The following ATP6V1G3 variants were observed in gnomAD, a reference collection of about 807,000 sequenced individuals.
ATP6V1G3 encodes the protein V-type proton ATPase subunit G 3.
ATP6V1G3 carries 9 observed loss-of-function variants against 9.3 expected under a neutral mutation model. That is an observed-to-expected ratio of 0.97 (90% CI 0.59 to 1.69). The LOEUF is 1.69. Ranked by LOEUF, ATP6V1G3 falls within the 40% of genes most tolerant of loss-of-function variation. The pLI, the probability that ATP6V1G3 is intolerant of heterozygous loss-of-function variation, is 0.00. For missense variants in ATP6V1G3, 133 were observed against 139.0 expected (o/e 0.96, Z 0.22); for synonymous variants, 43 against 43.8 (o/e 0.98, Z 0.07).
intron 2 of ATP6V1G3, among the ~76,000 whole-genome samples, chr1:198,528,578 A>G (rs1233966873): frequency 6.6e-6 from 1 of 152,132 alleles, no homozygotes; most frequent in Non-Finnish European, 1.5e-5. Flanking sequence ...TAAATGAAAG[A>G]TTTATTGAAT....
intron 1 of ATP6V1G3, among the ~76,000 whole-genome samples, chr1:198,537,467 C>A (rs1660162569): frequency 6.6e-6 from 1 of 152,054 alleles, no homozygotes; most frequent in African/African-American, 2.4e-5. Context: ...CTTGTTCTAG[C>A]ACTTTATGCC....
chr1:198,538,313 C>T (rs1487472202), intron 1 of ATP6V1G3, among the ~76,000 whole-genome samples: 2 of 152,130 alleles, frequency 1.3e-5, no homozygotes, highest in African/African-American at 4.8e-5. Context: ...AGCATATTCA[C>T]TAGAGAAAAG....
At chr1:198,526,745 A>G (rs770576804) in intron 2 of ATP6V1G3, among the ~76,000 whole-genome samples, 1 of 152,210 alleles carries the variant, frequency 6.6e-6, no homozygotes, top group Non-Finnish European at 1.5e-5. Flanking sequence ...TCCAGCAAAC[A>G]AAATGCTCTT....
chr1:198,527,470 G>A (rs1032909873), intron 2 of ATP6V1G3, among the ~76,000 whole-genome samples: 1 of 151,966 alleles, frequency 6.6e-6, no homozygotes, highest in African/African-American at 2.4e-5. Context: ...TTTAACACAA[G>A]CACTTTCTGA....
At chr1:198,529,607 A>C (rs1571715381) in intron 1 of ATP6V1G3, among the ~76,000 whole-genome samples, 1 of 152,106 alleles carries the variant, frequency 6.6e-6, no homozygotes, top group East Asian at 1.9e-4. Flanking sequence ...CCTTCAGTCC[A>C]CACCAACTGG....
chr1:198,540,212 A>T (rs1310033787), intron 1 of ATP6V1G3, among the ~76,000 whole-genome samples: 1 of 152,218 alleles, frequency 6.6e-6, no homozygotes, highest in Non-Finnish European at 1.5e-5. Flanking sequence ...CTTATAAAAA[A>T]TAAGTAATTT....
At chr1:198,531,115 C>T (rs1396665754) in intron 1 of ATP6V1G3, among the ~76,000 whole-genome samples, 1 of 152,100 alleles carries the variant, frequency 6.6e-6, no homozygotes, top group Non-Finnish European at 1.5e-5. Flanking sequence ...CAGAGCGTGT[C>T]TGTGATTCCC....
At chr1:198,534,116 C>A (rs35685064) in intron 1 of ATP6V1G3, among the ~76,000 whole-genome samples, 10,350 of 152,134 alleles carry the variant, frequency 0.068, 524 homozygotes, top group South Asian at 0.23. Context: ...TTGTGCCCCC[C>A]GAAAACATAT....
chr1:198,535,625 A>T (rs1660079948), intron 1 of ATP6V1G3, among the ~76,000 whole-genome samples: 1 of 152,158 alleles, frequency 6.6e-6, no homozygotes, highest in Admixed American at 6.6e-5. Context: ...GGATATTAAA[A>T]TAATATTAAC....
chr1:198,526,706 C>G (rs898233980), intron 2 of ATP6V1G3, among the ~76,000 whole-genome samples: 7 of 152,074 alleles, frequency 4.6e-5, no homozygotes, highest in Non-Finnish European at 1.0e-4. Context: ...GCAAGAAAAA[C>G]AGTTTTATGC....
intron 1 of ATP6V1G3, among the ~76,000 whole-genome samples, chr1:198,538,110 G>A (rs187992030): frequency 6.6e-6 from 1 of 152,172 alleles, no homozygotes; most frequent in Non-Finnish European, 1.5e-5. Flanking sequence ...TTTCCAGAAT[G>A]TCTTTAAAGC....
rs2103133848 is a variant in ATP6V1G3 at position 198,529,193 on chromosome 1, CAAAT to C, written c.83-16_83-13del. ...TCGCTTTCCTTTTCCTGAAAATTAA[CAAAT>C]ATATATATATATATATATAATTATA... On this transcript the variant is annotated splice_polypyrimidine_tract_variant and intron_variant, in intron 1 of 2. Coordinates refer to ENST00000367382, the MANE Select transcript of ATP6V1G3 (RefSeq NM_001376861.1). The C allele has an allele frequency of 1.5e-6, 1 of 669,830 alleles. No homozygotes were observed. The highest frequency in any genetic ancestry group is 2.1e-6 in the Non-Finnish European group (1 of 465,380). 41.5% of individuals were successfully genotyped at this position (669,830 alleles called of 1,614,324 possible).
chr1:198,536,830 A>C, intron 1 of ATP6V1G3: 1 of 886,166 alleles, frequency 1.1e-6, no homozygotes, highest in Non-Finnish European at 1.7e-6. Flanking sequence ...CATATATTAA[A>C]AATAAAAATA....
At chr1:198,540,942 T>C (rs1027951792), upstream of ATP6V1G3, 1 of 381,690 alleles carries the variant, frequency 2.6e-6, no homozygotes, top group Non-Finnish European at 4.8e-6. Context: ...CATCTACTTA[T>C]AAATAATGAA....
chr1:198,540,206 T>TA (rs1232215791), intron 1 of ATP6V1G3, among the ~76,000 whole-genome samples: 3 of 152,166 alleles, frequency 2.0e-5, no homozygotes, highest in African/African-American at 4.8e-5. Context: ...CTGATGCTTA[T>TA]AAAAAATAAG....
chr1:198,536,826 T>C (rs1660132836), intron 1 of ATP6V1G3: 5 of 947,700 alleles, frequency 5.3e-6, no homozygotes, highest in Non-Finnish European at 8.0e-6. Flanking sequence ...ATGACATATA[T>C]TAAAAATAAA....
At chr1:198,526,598 T>C (rs1659663072) in intron 2 of ATP6V1G3, among the ~76,000 whole-genome samples, 1 of 152,170 alleles carries the variant, frequency 6.6e-6, no homozygotes, top group Non-Finnish European at 1.5e-5. Flanking sequence ...GCATAATGAC[T>C]GATGGTGATG....
chr1:198,531,021 A>G (rs998087274), intron 1 of ATP6V1G3, among the ~76,000 whole-genome samples: 7 of 152,070 alleles, frequency 4.6e-5, no homozygotes, highest in African/African-American at 1.7e-4. Flanking sequence ...AATCATAGGA[A>G]AGGGTCTGTG....
At chr1:198,538,566 AAT>A (rs1224111918) in intron 1 of ATP6V1G3, among the ~76,000 whole-genome samples, 3 of 152,106 alleles carry the variant, frequency 2.0e-5, no homozygotes, top group African/African-American at 7.2e-5. Flanking sequence ...CACATCTTTA[AAT>A]TATCTGGTCT....
Sources: gnomAD v4.1 joint callset for allele counts (sites outside exome capture counted in the v4.1 genomes callset) on GRCh38, gnomAD v4.1.1 for gene constraint, MANE v1.5 for transcripts, NCBI Gene and HGNC (gene_info 2026-07-23, HGNC 2026-07-21) for gene names.